The following ZNRF2 variants were observed in gnomAD, a reference collection of about 807,000 sequenced individuals.
ZNRF2 encodes the protein E3 ubiquitin-protein ligase ZNRF2.
A neutral mutation model predicts 20.4 loss-of-function variants in ZNRF2; 16 were observed. The observed-to-expected ratio is 0.79, with a 90% CI of 0.53 to 1.19. ZNRF2 has a LOEUF of 1.19. ZNRF2 is among the 50% of genes most tolerant of loss of function. The pLI is 0.00. For missense variants in ZNRF2, 363 were observed against 332.4 expected (o/e 1.09, Z -0.72); for synonymous variants, 178 against 144.9 (o/e 1.23, Z -1.64).
intron 1 of ZNRF2, among the ~76,000 whole-genome samples, chr7:30,302,394 T>C (rs1288669092): frequency 6.6e-6 from 1 of 152,140 alleles, no homozygotes; most frequent in Non-Finnish European, 1.5e-5. Flanking sequence ...TCAGCGCATG[T>C]TGCAATAGGT....
intron 2 of ZNRF2, among the ~76,000 whole-genome samples, chr7:30,340,642 G>A (rs1318287690): frequency 6.6e-6 from 1 of 152,104 alleles, no homozygotes; most frequent in Non-Finnish European, 1.5e-5. Context: ...CAGTTTTCCA[G>A]TATTTTATTG....
At chr7:30,288,036 A>G (rs772761518) in intron 1 of ZNRF2, among the ~76,000 whole-genome samples, 1 of 152,216 alleles carries the variant, frequency 6.6e-6, no homozygotes, top group Non-Finnish European at 1.5e-5. Flanking sequence ...GTAAAAACCC[A>G]TCTTAGTGGC....
Position 30,285,126 on chromosome 7 carries a change from G to GCGTCTCCT in ZNRF2, c.-224_-217dup, listed in dbSNP as rs1350571374. On this transcript the variant is annotated 5_prime_UTR_variant, in exon 1 of 5. Coordinates refer to ENST00000323037, the MANE Select transcript of ZNRF2 (RefSeq NM_147128.4). Reference sequence around the variant, plus strand: ...CTGCAGCCGGGACCCCTTCCTCTCCGCGTCTCCTCGTCTCCCGCGCCCGCG... The same window carrying GCGTCTCCT: ...CTGCAGCCGGGACCCCTTCCTCTCCGCGTCTCCTCGTCTCCTCGTCTCCCGCGCCCGCG... 3 of 417,812 alleles carry GCGTCTCCT rather than the reference G, an allele frequency of 7.2e-6. No individual in the cohort carries two copies. Among genetic ancestry groups the GCGTCTCCT allele is most frequent in the African/African-American group, 4.4e-5 (2 of 45,824 alleles). The allele number at this position is 417,812 out of a possible 1,614,324, so 25.9% of individuals were successfully genotyped here. A position where few individuals can be genotyped will look rare whatever the true frequency, so the allele number is the denominator to read the frequency against.
intron 4 of ZNRF2, among the ~76,000 whole-genome samples, chr7:30,365,330 AT>A (rs1800195891): frequency 6.6e-6 from 1 of 151,814 alleles, no homozygotes; most frequent in African/African-American, 2.4e-5. Context: ...CCATTTTCTT[AT>A]GTTACATATG....
At position 30,285,423 on chromosome 7, in the gene ZNRF2, T is replaced by A. The variant is rs991752819; in HGVS notation, c.66T>A (p.Asp22Glu). 8 of 1,234,454 alleles carry A rather than the reference T, an allele frequency of 6.5e-6. No individual in the cohort carries two copies. The highest frequency in any genetic ancestry group is 1.6e-5 in the African/African-American group (1 of 60,620). The allele number at this position is 1,234,454 out of a possible 1,614,324, so 76.5% of individuals were successfully genotyped here. The change falls in exon 1 of 5, where the codon GAT becomes GAA. Residue 22 changes from aspartate (D) to glutamate (E), a missense_variant. Physicochemically the swap from Asp to Glu is conservative, Grantham distance 45 (BLOSUM62 2). Around this residue, in one of 2 missense-constraint regions of ZNRF2, gnomAD observed 302 missense variants for 231.5 expected, o/e 1.30. Coordinates refer to ENST00000323037, the MANE Select transcript of ZNRF2 (RefSeq NM_147128.4). Reference sequence around the variant, plus strand: ...GCACGCGCGCGTACTCGGGCTCGGATCTACCTTCCAGTAGCAGCGGAGGCG... The same window carrying A: ...GCACGCGCGCGTACTCGGGCTCGGAACTACCTTCCAGTAGCAGCGGAGGCG... ...NGRTRAYSGS[D>E]LPSSSSGGAN... is the part of the protein sequence containing the mutation.
Position 30,310,136 on chromosome 7 carries a change from AC to A in ZNRF2, c.470-13505del, listed in dbSNP as rs76538668. Among the ~76,000 whole-genome samples the A allele has an allele frequency of 6.8e-4, 104 of 152,306 alleles. 2 individuals carry two copies. In the East Asian group the frequency reaches 0.015, roughly 22 times the overall value. Reference sequence around the variant, plus strand: ...AAAGAATTGGTTGAATCTGACAGATACTCAGGAGGTAAAATCTACCAGGTGG... The same window carrying A: ...AAAGAATTGGTTGAATCTGACAGATATCAGGAGGTAAAATCTACCAGGTGG... On this transcript the variant is annotated intron_variant, in intron 1 of 4. Coordinates refer to ENST00000323037, the MANE Select transcript of ZNRF2 (RefSeq NM_147128.4).
intron 1 of ZNRF2, among the ~76,000 whole-genome samples, chr7:30,323,227 G>T (rs1264684253): frequency 6.6e-6 from 1 of 151,622 alleles, no homozygotes; most frequent in Non-Finnish European, 1.5e-5. Context: ...GTGCTGTTTA[G>T]CTATAAAACT....
At chr7:30,305,049 G>C (rs1048275443) in intron 1 of ZNRF2, among the ~76,000 whole-genome samples, 1 of 152,144 alleles carries the variant, frequency 6.6e-6, no homozygotes, top group East Asian at 1.9e-4. Flanking sequence ...TGTTCTTGAG[G>C]TTATTGACAC....
intron 1 of ZNRF2, among the ~76,000 whole-genome samples, chr7:30,314,698 C>G (rs1799341092): frequency 6.6e-6 from 1 of 152,018 alleles, no homozygotes; most frequent in Non-Finnish European, 1.5e-5. Context: ...TCAACAATAG[C>G]TGTCCAATTT....
intron 2 of ZNRF2, among the ~76,000 whole-genome samples, chr7:30,324,376 GAAAAAAAAAA>G (rs1407163153): frequency 8.1e-6 from 1 of 122,874 alleles, no homozygotes; most frequent in Non-Finnish European, 1.8e-5. Flanking sequence ...TCTACTAAAA[GAAAAAAAAAA>G]AGAAAAAAAA....
intron 1 of ZNRF2, among the ~76,000 whole-genome samples, chr7:30,314,908 C>T (rs1799345506): frequency 6.6e-6 from 1 of 151,948 alleles, no homozygotes; most frequent in African/African-American, 2.4e-5. Flanking sequence ...GCTCTGCCTC[C>T]TGGGTTCACA....
intron 1 of ZNRF2, among the ~76,000 whole-genome samples, chr7:30,310,144 G>T (rs1799270612): frequency 6.6e-6 from 1 of 152,174 alleles, no homozygotes; most frequent in Non-Finnish European, 1.5e-5. Flanking sequence ...ATACTCAGGA[G>T]GTAAAATCTA....
intron 1 of ZNRF2, among the ~76,000 whole-genome samples, chr7:30,287,400 A>T (rs949779855): frequency 1.3e-5 from 2 of 152,262 alleles, no homozygotes; most frequent in Non-Finnish European, 2.9e-5. Context: ...AGAAGGGTGA[A>T]TAGGAAAAGC....
At chr7:30,331,367 A>G (rs914519056) in intron 2 of ZNRF2, among the ~76,000 whole-genome samples, 6 of 152,170 alleles carry the variant, frequency 3.9e-5, no homozygotes, top group African/African-American at 1.4e-4. Flanking sequence ...GTAAATAAAG[A>G]ACAGAAAGTT....
intron 1 of ZNRF2, among the ~76,000 whole-genome samples, chr7:30,286,803 A>G (rs1386421876): frequency 6.6e-6 from 1 of 152,254 alleles, no homozygotes; most frequent in African/African-American, 2.4e-5. Flanking sequence ...CGCATTATGT[A>G]TCTGGTATTA....
chr7:30,306,277 C>T (rs918990943), intron 1 of ZNRF2, among the ~76,000 whole-genome samples: 21 of 152,122 alleles, frequency 1.4e-4, no homozygotes, highest in African/African-American at 5.1e-4. Flanking sequence ...ATAATGAAAG[C>T]TATTGAAACA....
intron 2 of ZNRF2, among the ~76,000 whole-genome samples, chr7:30,345,378 G>A (rs1325903384): frequency 3.3e-5 from 5 of 150,964 alleles, no homozygotes; most frequent in African/African-American, 1.2e-4. Context: ...TCTCATCCTT[G>A]TATGTGCTTT....
intron 3 of ZNRF2, among the ~76,000 whole-genome samples, chr7:30,356,859 C>G (rs1800048139): frequency 1.3e-5 from 2 of 152,012 alleles, no homozygotes; most frequent in Non-Finnish European, 2.9e-5. Flanking sequence ...GCGCCTGCCA[C>G]CATGCCCGGC....
At chr7:30,315,274 C>A (rs1405913642) in intron 1 of ZNRF2, among the ~76,000 whole-genome samples, 3 of 152,164 alleles carry the variant, frequency 2.0e-5, no homozygotes, top group Admixed American at 6.5e-5. Context: ...ACTATTCACA[C>A]GAAATAATCC....
Sources: allele counts gnomAD v4.1 joint callset (sites outside exome capture counted in the v4.1 genomes callset), GRCh38; gene constraint gnomAD v4.1.1; regional missense constraint gnomAD v4.1.1; transcripts MANE v1.5; gene names NCBI Gene and HGNC (gene_info 2026-07-23, HGNC 2026-07-21).